Variants in C11orf68 observed in about 807,000 individuals in gnomAD.
The protein encoded by C11orf68 is chromosome 11 open reading frame 68.
A neutral mutation model predicts 4.7 loss-of-function variants in C11orf68; 3 were observed. The observed-to-expected ratio is 0.64, with a 90% CI of 0.29 to 1.66. C11orf68 has a LOEUF of 1.66. Ranked by LOEUF, C11orf68 falls within the 40% of genes most tolerant of loss-of-function variation. C11orf68 has a pLI of 0.10. For missense variants in C11orf68, 422 were observed against 408.0 expected (o/e 1.03, Z -0.30); for synonymous variants, 186 against 167.8 (o/e 1.11, Z -0.84).
In C11orf68 at chr11:65,917,631, G is replaced by A. The variant is rs1259948006; in HGVS notation, c.710C>T (p.Ala237Val). The change falls in exon 2 of 2, where the codon GCG becomes GTG. Residue 237 changes from alanine (A) to valine (V), a missense_variant. Transcript: ENST00000438576. ...GTAGGTGAGCAGGCACTTAATGCCC[G>A]CTGCACGGATGGCTGAATCCGCCTC... Reference protein sequence around the residue: ...VLEADSAIRAAGIKCLLTYKP... With the variant: ...VLEADSAIRAVGIKCLLTYKP... 5 of 1,613,948 alleles carry A rather than the reference G, an allele frequency of 3.1e-6. No individual in the cohort carries two copies. The highest frequency in any genetic ancestry group is 1.3e-5 in the African/African-American group (1 of 74,930).
chr11:65,918,766 G>T, intron 1 of C11orf68, 144 bp downstream of exon 1: 1 of 857,624 alleles, frequency 1.2e-6, no homozygotes, highest in Non-Finnish European at 1.4e-6. Context: ...CAATGGGGCG[G>T]TTCCCAGACT....
chr11:65,917,306 G>A lies in C11orf68; in HGVS notation c.*153C>T, dbSNP rs1276008698. On this transcript the variant is annotated 3_prime_UTR_variant, in exon 2 of 2. Coordinates refer to ENST00000438576, the MANE Select transcript of C11orf68 (RefSeq NM_001135635.2). ...TTGTGTCAGCCCTGAACAGAGGGCA[G>A]AAGTTCAAGGGGACTGAAGATGCAG... 2 of 960,366 alleles carry A rather than the reference G, an allele frequency of 2.1e-6. No homozygotes were observed. Among genetic ancestry groups the A allele is most frequent in the Admixed American group, 2.3e-5 (1 of 42,720 alleles). 59.5% of individuals were successfully genotyped at this position (960,366 alleles called of 1,614,324 possible).
chr11:65,917,204 A>C lies in C11orf68; in HGVS notation c.*255T>G. On this transcript the variant is annotated 3_prime_UTR_variant, in exon 2 of 2. Transcript: ENST00000438576. ...CTGCACCCAACTCATGGTGCTGGGC[A>C]GTGGAGAGGAGCAGCATTACAAAGG... 1.9e-6 allele frequency: 1 copy of C among 515,816 alleles called. No homozygotes were observed. The allele number at this position is 515,816 out of a possible 1,614,324, so 32.0% of individuals were successfully genotyped here. A position where few individuals can be genotyped will look rare whatever the true frequency, so the allele number is the denominator to read the frequency against.
In C11orf68 at chr11:65,917,998, A is replaced by G; in HGVS notation, c.343T>C (p.Ser115Pro). The change falls in exon 2 of 2, where the codon TCA becomes CCA. Residue 115 changes from serine to proline, a missense_variant. By Grantham distance (74) the Ser-to-Pro change is moderately conservative. Coordinates refer to ENST00000438576, the MANE Select transcript of C11orf68 (RefSeq NM_001135635.2). The stretch of plus-strand genomic sequence containing the variant: ...ACTGCAATCCAGCCCACAGGCTCTG[A>G]GTTGGGTGAACCGGGGTCCCCATAG... The part of the protein sequence containing the change: ...TRYGDPGSPN[S>P]EPVGWIAVYG... 1 of 1,606,598 alleles carries G rather than the reference A, an allele frequency of 6.2e-7. No homozygotes were observed. The highest frequency in any genetic ancestry group is 8.5e-7 in the Non-Finnish European group (1 of 1,177,390).
chr11:65,918,315 G>A, intron 1 of C11orf68, 97 bp from the exon 2 acceptor site: 3 of 1,347,090 alleles, frequency 2.2e-6, no homozygotes, highest in Non-Finnish European at 2.9e-6. Context: ...TACTGTCGAT[G>A]CGCCTCAGTT....
chr11:65,918,671 G>A (rs547850271), intron 1 of C11orf68, among the ~76,000 whole-genome samples: 84 of 152,332 alleles, frequency 5.5e-4, no homozygotes, highest in African/African-American at 2.0e-3. Context: ...GGCTCTGTAA[G>A]GCCAGGCCTC....
In C11orf68 at chr11:65,917,583, AG is replaced by A. The variant is rs1276746733; in HGVS notation, c.757del (p.Leu253TrpfsTer40). On this transcript the variant is annotated frameshift_variant, in exon 2 of 2. Coordinates refer to ENST00000438576, the MANE Select transcript of C11orf68 (RefSeq NM_001135635.2). LOFTEE classifies it low-confidence loss of function (END_TRUNC). ...CCAGCGATTGGCCCGGTAGATGCCC[AG>A]GTAGGTGTAGACATCAGGCTTGTAG... ...LTYKPDVYTY[L>X]GIYRANRWHL... 2 of 1,613,968 alleles carry A rather than the reference AG, an allele frequency of 1.2e-6. No homozygotes were observed. Among genetic ancestry groups the A allele is most frequent in the Non-Finnish European group, 1.7e-6 (2 of 1,180,010 alleles).
rs1330781485 is a variant in C11orf68 at position 65,917,284 on chromosome 11, T to G, written c.*175A>C. On this transcript the variant is annotated 3_prime_UTR_variant, in exon 2 of 2. Transcript: ENST00000438576. ...GGAGCCCCCCAGCCTGTGGGGCTTGTGTCAGCCCTGAACAGAGGGCAGAAG... is the reference window on the plus strand; with the variant it reads ...GGAGCCCCCCAGCCTGTGGGGCTTGGGTCAGCCCTGAACAGAGGGCAGAAG... The G allele has an allele frequency of 1.3e-6, 1 of 789,648 alleles. No homozygotes were observed. The highest frequency in any genetic ancestry group is 2.0e-6 in the Non-Finnish European group (1 of 492,860). The allele number at this position is 789,648 out of a possible 1,614,324, so 48.9% of individuals were successfully genotyped here. A position where few individuals can be genotyped will look rare whatever the true frequency, so the allele number is the denominator to read the frequency against.
intron 1 of C11orf68, chr11:65,918,444 C>T (rs1854491813): frequency 2.1e-6 from 1 of 487,662 alleles, no homozygotes; most frequent in Non-Finnish European, 3.4e-6. Context: ...TTCTCCTTGA[C>T]TTACAGAAAA....
Position 65,917,938 on chromosome 11 carries a change from CG to C in C11orf68, c.402del (p.Asp134GlufsTer69). On this transcript the variant is annotated frameshift_variant, in exon 2 of 2. Transcript: ENST00000438576. LOFTEE classifies it low-confidence loss of function (END_TRUNC). The part of the protein sequence containing the change: ...YGQGYSPNSG[D>X]VQGLQAAWEA... ...TCCCAGGCTGCCTGCAGGCCCTGCACGTCCCCGGAGTTGGGGCTGTAGCCCT... is the reference window on the plus strand; with the variant it reads ...TCCCAGGCTGCCTGCAGGCCCTGCACTCCCCGGAGTTGGGGCTGTAGCCCT... 1.2e-6 allele frequency: 2 copies of C among 1,607,774 alleles called. No individual in the cohort carries two copies. Among genetic ancestry groups the C allele is most frequent in the Non-Finnish European group, 1.7e-6 (2 of 1,179,882 alleles).
rs1356168692 is a variant in C11orf68 at position 65,918,073 on chromosome 11, T to G, written c.268A>C (p.Thr90Pro). 6.2e-7 allele frequency: 1 copy of G among 1,610,910 alleles called. No homozygotes were observed. The highest frequency in any genetic ancestry group is 1.3e-5 in the African/African-American group (1 of 75,024). Residue 90 changes from threonine (T) to proline (P), a missense_variant, in exon 2 of 2, where the codon ACT becomes CCT. Physicochemically the swap from Thr to Pro is conservative, Grantham distance 38. Coordinates refer to ENST00000438576, the MANE Select transcript of C11orf68 (RefSeq NM_001135635.2). The part of the protein sequence containing the change: ...LVFDARTTPA[T>P]ELDAWLAKYP... ...TTGGCCAGCCAGGCATCCAGCTCAG[T>G]GGCAGGCGTTGTGCGGGCATCAAAC...
At position 65,918,189 on chromosome 11, in the gene C11orf68, T is replaced by C. The variant is rs1208394819; in HGVS notation, c.152A>G (p.Glu51Gly). Residue 51 changes from glutamate to glycine, a missense_variant, in exon 2 of 2, where the codon GAG becomes GGG. Physicochemically the swap from Glu to Gly is moderately conservative, Grantham distance 98. Transcript: ENST00000438576. Reference protein sequence around the residue: ...SRMEPGEELEEEGSPGGREDG... With the variant: ...SRMEPGEELEGEGSPGGREDG... ...CTCACGGCCACCTGGAGAGCCCTCC[T>C]CTTCCAGCTCCTCACCTGGTTCCAT... 6.5e-7 allele frequency: 1 copy of C among 1,537,300 alleles called. No individual in the cohort carries two copies.
Position 65,917,428 on chromosome 11 carries a change from G to A in C11orf68, c.*31C>T. 6.4e-7 allele frequency: 1 copy of A among 1,572,170 alleles called. No individual in the cohort carries two copies. The highest frequency in any genetic ancestry group is 8.6e-7 in the Non-Finnish European group (1 of 1,157,658). ...GAGGATCCAACCCCAGCATGGAGGG[G>A]GGAGTGGGCAGTCTCCCCAATTTGG... On this transcript the variant is annotated 3_prime_UTR_variant, in exon 2 of 2. Coordinates refer to ENST00000438576, the MANE Select transcript of C11orf68 (RefSeq NM_001135635.2).
Position 65,917,784 on chromosome 11 carries a change from G to A in C11orf68, c.557C>T (p.Ala186Val). The A allele has an allele frequency of 1.2e-6, 2 of 1,612,428 alleles. No homozygotes were observed. The highest frequency in any genetic ancestry group is 8.5e-7 in the Non-Finnish European group (1 of 1,179,850). ...APGFKLDHAW[A>V]GIARAVVEGQ... ...TTCAACCACGGCCCGGGCAATGCCA[G>A]CCCAGGCGTGGTCCAGCTTGAAGCC... is the stretch of plus-strand genomic sequence containing the variant. The change falls in exon 2 of 2, where the codon GCT (alanine) becomes GTT (valine). Residue 186 changes from alanine to valine, a missense_variant. Coordinates refer to ENST00000438576, the MANE Select transcript of C11orf68 (RefSeq NM_001135635.2).
chr11:65,917,934 T>C lies in C11orf68; in HGVS notation c.407A>G (p.Gln136Arg), dbSNP rs1405174783. The C allele has an allele frequency of 5.6e-6, 9 of 1,607,890 alleles. No individual in the cohort carries two copies. In the African/African-American group the frequency reaches 1.2e-4, roughly 21 times the overall value. The change falls in exon 2 of 2, where the codon CAG (glutamine) becomes CGG (arginine). Residue 136 changes from glutamine (Q) to arginine (R), a missense_variant. Physicochemically the swap from Gln to Arg is conservative, Grantham distance 43 (BLOSUM62 1). Coordinates refer to ENST00000438576, the MANE Select transcript of C11orf68 (RefSeq NM_001135635.2). Reference sequence around the variant, plus strand: ...AGCTTCCCAGGCTGCCTGCAGGCCCTGCACGTCCCCGGAGTTGGGGCTGTA... The same window carrying C: ...AGCTTCCCAGGCTGCCTGCAGGCCCCGCACGTCCCCGGAGTTGGGGCTGTA... The part of the protein sequence containing the change: ...QGYSPNSGDV[Q>R]GLQAAWEALQ...
intron 1 of C11orf68, chr11:65,918,495 C>T: frequency 7.7e-6 from 3 of 390,118 alleles, no homozygotes; most frequent in South Asian, 7.8e-5. Flanking sequence ...CAAGGTCACA[C>T]CTGCAGTGCG....
chr11:65,919,021 G>GCCGCCGCCA lies in C11orf68; in HGVS notation c.2_10dup (p.Ala3_Ala4insValAlaAla). On this transcript the variant is annotated inframe_insertion, in exon 1 of 2. Coordinates refer to ENST00000438576, the MANE Select transcript of C11orf68 (RefSeq NM_001135635.2). ...CACCCCCGCCACGGCCGCCGCCGCC[G>GCCGCCGCCA]CCGCCGCCATCTTAGCGCCGCGCCA... 8.8e-7 allele frequency: 1 copy of GCCGCCGCCA among 1,138,450 alleles called. No individual in the cohort carries two copies. The highest frequency in any genetic ancestry group is 1.1e-6 in the Non-Finnish European group (1 of 933,814). 70.5% of individuals were successfully genotyped at this position (1,138,450 alleles called of 1,614,324 possible).
rs1207174710 is a variant in C11orf68, at chr11:65,918,881, G to A, written c.122+29C>T. ...CGAGCTGTGCTCCCGCCCCGGCCCTGCCCTGCCCCTCCCGCCGCCCGCAGT... is the reference window on the plus strand; with the variant it reads ...CGAGCTGTGCTCCCGCCCCGGCCCTACCCTGCCCCTCCCGCCGCCCGCAGT... On this transcript the variant is annotated intron_variant, in intron 1 of 1. Transcript: ENST00000438576. 1.3e-5 allele frequency: 16 copies of A among 1,237,630 alleles called. No homozygotes were observed. The East Asian group carries it at 1.8e-4, about 14-fold the overall frequency. The allele number at this position is 1,237,630 out of a possible 1,614,324, so 76.7% of individuals were successfully genotyped here.
rs147158734 is a variant in C11orf68, at chr11:65,918,424, G to A, written c.123-206C>T. On this transcript the variant is annotated intron_variant, in intron 1 of 1. Transcript: ENST00000438576. ...TCAGCGCTCCAGAAGGGTTGCTGCA[G>A]TTATTACTATTCTCCTTGACTTACA... 1.7e-4 allele frequency: 94 copies of A among 541,922 alleles called. No individual in the cohort carries two copies. The East Asian group carries it at 2.9e-3, about 17-fold the overall frequency. The allele number at this position is 541,922 out of a possible 1,614,324, so 33.6% of individuals were successfully genotyped here. A position where few individuals can be genotyped will look rare whatever the true frequency, so the allele number is the denominator to read the frequency against.
Sources: gnomAD v4.1 joint callset for allele counts (sites outside exome capture counted in the v4.1 genomes callset) on GRCh38, gnomAD v4.1.1 for gene constraint, MANE v1.5 for transcripts, NCBI Gene and HGNC (gene_info 2026-07-23, HGNC 2026-07-21) for gene names.